CHAMP1: variants seen among roughly 807,000 people sequenced by gnomAD.
CHAMP1 encodes the protein chromosome alignment-maintaining phosphoprotein 1.
In CHAMP1, 4 loss-of-function variants were observed where a neutral mutation model predicts 54.5. The ratio of observed to expected loss-of-function variants is 0.07; its 90% CI spans 0.04 to 0.17. The LOEUF is 0.17. Ranked by LOEUF, CHAMP1 falls within the 10% of genes least tolerant of loss-of-function variation. The pLI is 1.00. For missense variants in CHAMP1, 994 were observed against 968.6 expected (o/e 1.03, Z -0.35); for synonymous variants, 368 against 342.2 (o/e 1.08, Z -0.83).
Position 114,325,023 on chromosome 13 carries a change from C to T in CHAMP1, c.1181C>T (p.Pro394Leu). The stretch of plus-strand genomic sequence containing the variant: ...TCTCCTGAGTCATGGAAGTCTGGCC[C>T]ACCAGAACTCCGAAAGACAGCTCCC... Reference protein sequence around the residue: ...PASPESWKSGPPELRKTAPTL... With the variant: ...PASPESWKSGLPELRKTAPTL... The change falls in exon 3 of 3, where the codon CCA becomes CTA. Residue 394 changes from proline to leucine, a missense_variant. Physicochemically the swap from Pro to Leu is moderately conservative, Grantham distance 98. This residue lies in a region of CHAMP1 where 851 missense variants were observed against 701.3 expected (regional missense o/e 1.21). Transcript: ENST00000361283. 1 of 1,614,148 alleles carries T rather than the reference C, an allele frequency of 6.2e-7. No homozygotes were observed. Among genetic ancestry groups the T allele is most frequent in the Non-Finnish European group, 8.5e-7 (1 of 1,180,040 alleles).
At chr13:114,316,706 GTGAAGTATCCTTCAT>G (rs2087104034) in intron 1 of CHAMP1, among the ~76,000 whole-genome samples, 1 of 151,876 alleles carries the variant, frequency 6.6e-6, no homozygotes, top group Admixed American at 6.5e-5. Flanking sequence ...GTTAATACAG[GTGAAGTATCCTTCAT>G]TCGAAATGCT....
intron 1 of CHAMP1, among the ~76,000 whole-genome samples, chr13:114,314,876 G>A (rs2087076056): frequency 6.6e-6 from 1 of 152,220 alleles, no homozygotes; most frequent in African/African-American, 2.4e-5. Flanking sequence ...CGCTGCCGAG[G>A]CTGGAAACAT....
rs2087205621 is a variant in CHAMP1, at chr13:114,324,100, A to G, written c.258A>G (p.Ala86=). ...NVYYHITSKH[A]SPDKWNDKPK... ...ACTATCACATCACATCCAAACATGC[A>G]TCCCCAGACAAATGGAATGATAAAC... Residue 86 remains alanine, a synonymous_variant, in exon 3 of 3, where the codon GCA becomes GCG. Transcript: ENST00000361283. 5 of 1,614,244 alleles carry G rather than the reference A, an allele frequency of 3.1e-6. No individual in the cohort carries two copies. In the East Asian group the frequency reaches 1.1e-4, roughly 36 times the overall value.
intron 1 of CHAMP1, among the ~76,000 whole-genome samples, chr13:114,317,141 C>G (rs2087108686): frequency 1.3e-5 from 2 of 152,026 alleles, no homozygotes; most frequent in South Asian, 4.1e-4. Flanking sequence ...CCTCAGCCTC[C>G]CAGGTAGCTG....
rs781930402 is a variant in CHAMP1, at chr13:114,324,297, C to A, written c.455C>A (p.Thr152Asn). ...SPESPKPTPL[T>N]PLEPQKPGSV... ...GAATCGCCAAAACCTACTCCTCTTA[C>A]TCCCCTGGAGCCTCAGAAACCTGGC... Residue 152 changes from threonine to asparagine, a missense_variant, in exon 3 of 3, where the codon ACT becomes AAT. By Grantham distance (65) the Thr-to-Asn change is moderately conservative (BLOSUM62 0). This residue lies in a region of CHAMP1 where 851 missense variants were observed against 701.3 expected (regional missense o/e 1.21). Coordinates refer to ENST00000361283, the MANE Select transcript of CHAMP1 (RefSeq NM_032436.4). 2 of 1,614,056 alleles carry A rather than the reference C, an allele frequency of 1.2e-6. No individual in the cohort carries two copies. The highest frequency in any genetic ancestry group is 2.7e-5 in the African/African-American group (2 of 74,902).
rs782422313 is a variant in CHAMP1, at chr13:114,324,753, C to G, written c.911C>G (p.Ala304Gly). The G allele has an allele frequency of 6.2e-7, 1 of 1,613,804 alleles. No individual in the cohort carries two copies. Among genetic ancestry groups the G allele is most frequent in the Non-Finnish European group, 8.5e-7 (1 of 1,179,874 alleles). The change falls in exon 3 of 3, where the codon GCC becomes GGC. Residue 304 changes from alanine to glycine, a missense_variant. Transcript: ENST00000361283. ...GTCTCCCCAGAGCCTAGGAGACCAG[C>G]CCCCGCTGTGTCACCAGGCTCTTGG... ...PAVSPEPRRP[A>G]PAVSPGSWKP... is the part of the protein sequence containing the mutation.
At chr13:114,323,743 C>G in intron 2 of CHAMP1, 45 bp from the exon 3 acceptor site, 1 of 1,436,268 alleles carries the variant, frequency 7.0e-7, no homozygotes. Context: ...GCATTTTATT[C>G]AGAATTACAG....
rs782077216 is a variant in CHAMP1 at position 114,325,751 on chromosome 13, A to C, written c.1909A>C (p.Ile637Leu). 1 of 1,614,236 alleles carries C rather than the reference A, an allele frequency of 6.2e-7. No individual in the cohort carries two copies. The highest frequency in any genetic ancestry group is 1.1e-5 in the South Asian group (1 of 91,088). ...CGCTGAGCTTAGTAGTAGTGAGTAC[A>C]TAAAAACAGATTTGGATGCGATGGA... The part of the protein sequence containing the change: ...SDAELSSSEY[I>L]KTDLDAMDIK... The change falls in exon 3 of 3, where the codon ATA (isoleucine) becomes CTA (leucine). Residue 637 changes from isoleucine to leucine, a missense_variant. Around this residue, in one of 3 missense-constraint regions of CHAMP1, gnomAD observed 851 missense variants for 701.3 expected, o/e 1.21. Coordinates refer to ENST00000361283, the MANE Select transcript of CHAMP1 (RefSeq NM_032436.4).
chr13:114,326,412 T>G lies in CHAMP1; in HGVS notation c.*131T>G. On this transcript the variant is annotated 3_prime_UTR_variant, in exon 3 of 3. Transcript: ENST00000361283. ...GTACCGTGTTTCACTGTCTCAGTTG[T>G]GTTACTAAGAATGAGCATTTGATCA... 1 of 1,051,442 alleles carries G rather than the reference T, an allele frequency of 9.5e-7. No homozygotes were observed. The highest frequency in any genetic ancestry group is 1.3e-6 in the Non-Finnish European group (1 of 756,984). The allele number at this position is 1,051,442 out of a possible 1,614,324, so 65.1% of individuals were successfully genotyped here.
Position 114,325,856 on chromosome 13 carries a change from G to C in CHAMP1, c.2014G>C (p.Asp672His), listed in dbSNP as rs1555379932. The change falls in exon 3 of 3, where the codon GAC (aspartate) becomes CAC (histidine). Residue 672 changes from aspartate (D) to histidine (H), a missense_variant. Transcript: ENST00000361283. ...TGATTTTAGCAAAGAGAACAAAATGGACATGACTAGTCCAGAGCAGTCTAG... is the reference window on the plus strand; with the variant it reads ...TGATTTTAGCAAAGAGAACAAAATGCACATGACTAGTCCAGAGCAGTCTAG... ...SIDFSKENKM[D>H]MTSPEQSRNV... The C allele has an allele frequency of 6.2e-7, 1 of 1,614,112 alleles. No individual in the cohort carries two copies. The highest frequency in any genetic ancestry group is 1.7e-5 in the Admixed American group (1 of 60,016).
chr13:114,325,970 T>C lies in CHAMP1; in HGVS notation c.2128T>C (p.Tyr710His), dbSNP rs1343307923. 6.2e-7 allele frequency: 1 copy of C among 1,614,212 alleles called. No individual in the cohort carries two copies. Among genetic ancestry groups the C allele is most frequent in the Non-Finnish European group, 8.5e-7 (1 of 1,180,040 alleles). The change falls in exon 3 of 3, where the codon TAT becomes CAT. Residue 710 changes from tyrosine to histidine, a missense_variant. Coordinates refer to ENST00000361283, the MANE Select transcript of CHAMP1 (RefSeq NM_032436.4). The part of the protein sequence containing the change: ...KYMKRGKGKY[Y>H]CKICCCRAMK... ...CATGAAGCGTGGAAAAGGAAAGTAT[T>C]ATTGCAAAATTTGTTGCTGTCGTGC...
Position 114,325,411 on chromosome 13 carries a change from T to C in CHAMP1, c.1569T>C (p.Thr523=). The change falls in exon 3 of 3, where the codon ACT becomes ACC. Residue 523 remains threonine (T), a synonymous_variant. Coordinates refer to ENST00000361283, the MANE Select transcript of CHAMP1 (RefSeq NM_032436.4). ...GGAAGCCTGTTCTCTCTATCGATAC[T>C]GAGCCTAGAAAACCTGCCCTGTTTC... ...DIWKPVLSID[T]EPRKPALFPE... is the part of the protein sequence containing the mutation. The C allele has an allele frequency of 6.2e-7, 1 of 1,614,134 alleles. No homozygotes were observed. The highest frequency in any genetic ancestry group is 8.5e-7 in the Non-Finnish European group (1 of 1,180,030).
rs782356892 is a variant in CHAMP1, at chr13:114,323,835, A to G, written c.-8A>G. 7.6e-6 allele frequency: 12 copies of G among 1,584,438 alleles called. No homozygotes were observed. The highest frequency in any genetic ancestry group is 7.1e-5 in the Admixed American group (4 of 56,622). ...ATATAACCGTGTGTGTTGGTAACAG[A>G]CAGAAGAATGGAAGCATTCCAGGAA... On this transcript the variant is annotated 5_prime_UTR_variant, in exon 3 of 3. Transcript: ENST00000361283.
In CHAMP1 at chr13:114,323,896, T is replaced by G; in HGVS notation, c.54T>G (p.His18Gln). 6.2e-7 allele frequency: 1 copy of G among 1,613,876 alleles called. No individual in the cohort carries two copies. The highest frequency in any genetic ancestry group is 8.5e-7 in the Non-Finnish European group (1 of 1,179,796). ...CATCAGCACGTTTGGAGTGTGACCA[T>G]TGCAGTTTCAGAGGCACAGACTATG... The part of the protein sequence containing the change: ...RKPSARLECD[H>Q]CSFRGTDYEN... The change falls in exon 3 of 3, where the codon CAT becomes CAG. Residue 18 changes from histidine to glutamine, a missense_variant. This residue lies in a region of CHAMP1 where 84 missense variants were observed against 120.7 expected (regional missense o/e 0.70). Coordinates refer to ENST00000361283, the MANE Select transcript of CHAMP1 (RefSeq NM_032436.4).
chr13:114,325,918 T>C lies in CHAMP1; in HGVS notation c.2076T>C (p.Phe692=), dbSNP rs2087245515. The change falls in exon 3 of 3, where the codon TTT becomes TTC. Residue 692 remains phenylalanine (F), a synonymous_variant. Coordinates refer to ENST00000361283, the MANE Select transcript of CHAMP1 (RefSeq NM_032436.4). ...AGTTTACTGAAGAAAAAGAAGCTTT[T>C]ATCTCTGAAGAGGAGATTGCAAAAT... The part of the protein sequence containing the change: ...VLQFTEEKEA[F]ISEEEIAKYM... 1 of 1,613,888 alleles carries C rather than the reference T, an allele frequency of 6.2e-7. No individual in the cohort carries two copies. Among genetic ancestry groups the C allele is most frequent in the South Asian group, 1.1e-5 (1 of 91,046 alleles).
Position 114,325,427 on chromosome 13 carries a change from G to T in CHAMP1, c.1585G>T (p.Ala529Ser). The T allele has an allele frequency of 6.2e-7, 1 of 1,613,994 alleles. No individual in the cohort carries two copies. The highest frequency in any genetic ancestry group is 8.5e-7 in the Non-Finnish European group (1 of 1,180,010). The change falls in exon 3 of 3, where the codon GCC (alanine) becomes TCC (serine). Residue 529 changes from alanine (A) to serine (S), a missense_variant. This residue lies in a region of CHAMP1 where 851 missense variants were observed against 701.3 expected (regional missense o/e 1.21). Coordinates refer to ENST00000361283, the MANE Select transcript of CHAMP1 (RefSeq NM_032436.4). ...TATCGATACTGAGCCTAGAAAACCT[G>T]CCCTGTTTCCCGAGCCTGCCAAAAC... ...LSIDTEPRKP[A>S]LFPEPAKTAP...
chr13:114,315,309 G>A (rs202091602), intron 1 of CHAMP1, among the ~76,000 whole-genome samples: 2 of 152,266 alleles, frequency 1.3e-5, no homozygotes, highest in South Asian at 4.1e-4. Flanking sequence ...AAGCTCGGGT[G>A]CATTGCTGGT....
At chr13:114,317,069 G>T (rs2087107964) in intron 1 of CHAMP1, among the ~76,000 whole-genome samples, 1 of 152,054 alleles carries the variant, frequency 6.6e-6, no homozygotes. Context: ...CCCAGCTGGA[G>T]TGCAGTGGCT....
Position 114,324,457 on chromosome 13 carries a change from A to T in CHAMP1, c.615A>T (p.Pro205=), listed in dbSNP as rs782417189. 83 of 1,614,038 alleles carry T rather than the reference A, an allele frequency of 5.1e-5. No individual in the cohort carries two copies. Among genetic ancestry groups the T allele is most frequent in the Non-Finnish European group, 6.9e-5 (81 of 1,180,036 alleles). ...AGAAACTTGCCCCTGTTCCTTCTCC[A>T]GAACCACAGAAACCTGCCCCTGTAT... is the stretch of plus-strand genomic sequence containing the variant. The part of the protein sequence containing the change: ...ESQKLAPVPS[P]EPQKPAPVSP... The change falls in exon 3 of 3, where the codon CCA becomes CCT. Residue 205 remains proline (P), a synonymous_variant. Coordinates refer to ENST00000361283, the MANE Select transcript of CHAMP1 (RefSeq NM_032436.4).
Sources: allele counts gnomAD v4.1 joint callset (sites outside exome capture counted in the v4.1 genomes callset), GRCh38; gene constraint gnomAD v4.1.1; regional missense constraint gnomAD v4.1.1; transcripts MANE v1.5; gene names NCBI Gene and HGNC (gene_info 2026-07-23, HGNC 2026-07-21).